The following SCAPER variants were observed in gnomAD, a reference collection of about 807,000 sequenced individuals.
The protein encoded by SCAPER is S-phase cyclin A associated protein in the ER.
SCAPER carries 98 observed loss-of-function variants against 182.2 expected under a neutral mutation model. The ratio of observed to expected loss-of-function variants is 0.54; its 90% CI spans 0.46 to 0.64. SCAPER has a LOEUF of 0.64. Ranked by LOEUF, SCAPER falls within the 30% of genes least tolerant of loss-of-function variation. The pLI, the probability that SCAPER is intolerant of heterozygous loss-of-function variation, is 0.00. For synonymous variants in SCAPER, 605 were observed against 564.6 expected (o/e 1.07, Z -1.01); for missense variants, 1,432 against 1,690.0 (o/e 0.85, Z 2.68).
At chr15:76,831,237 C>A (rs2068447794) in intron 5 of SCAPER, among the ~76,000 whole-genome samples, 1 of 152,122 alleles carries the variant, frequency 6.6e-6, no homozygotes, top group South Asian at 2.1e-4. Flanking sequence ...GCAGGGCTGT[C>A]TTGCCTGCAG....
chr15:76,603,645 T>C lies in SCAPER; in HGVS notation c.2711+18119A>G, dbSNP rs1384247690. On this transcript the variant is annotated intron_variant, in intron 22 of 31. Transcript: ENST00000563290. Reference sequence around the variant, plus strand: ...TGGTTGAACTAGTTTGCAGTCCCACTCACAGTGTAAAAGTGTTCCTATTTC... The same window carrying C: ...TGGTTGAACTAGTTTGCAGTCCCACCCACAGTGTAAAAGTGTTCCTATTTC... Among the ~76,000 whole-genome samples, 2 of 121,210 alleles carry C rather than the reference T, an allele frequency of 1.7e-5. 1 individual carries two copies. The highest frequency in any genetic ancestry group is 5.0e-5 in the African/African-American group (2 of 39,680). 79.5% of individuals were successfully genotyped at this position (121,210 alleles called of 152,430 possible).
At chr15:76,773,551 T>C (rs2063580188) in intron 9 of SCAPER, among the ~76,000 whole-genome samples, 1 of 151,970 alleles carries the variant, frequency 6.6e-6, no homozygotes, top group African/African-American at 2.4e-5. Context: ...AACAAATGTA[T>C]ACCAATTACT....
In SCAPER at chr15:76,580,197, T is replaced by G. The variant is rs2048165641; in HGVS notation, c.2712-5913A>C. ...ACCTACTAGATATTTACAGAACATT[T>G]CATCCAATGGCTGAAGAATACACAT... On this transcript the variant is annotated intron_variant, in intron 22 of 31. Coordinates refer to ENST00000563290, the MANE Select transcript of SCAPER (RefSeq NM_020843.4). 3.3e-5 allele frequency among the ~76,000 whole-genome samples: 5 copies of G among 152,146 alleles called. No individual in the cohort carries two copies. In the South Asian group the frequency reaches 1.0e-3, roughly 31 times the overall value.
chr15:76,482,815 T>C (rs1445838138), intron 24 of SCAPER, among the ~76,000 whole-genome samples: 12 of 152,100 alleles, frequency 7.9e-5, no homozygotes, highest in African/African-American at 2.7e-4. Flanking sequence ...CTCATTATTC[T>C]AGATGAGGGA....
At chr15:76,547,144 C>A (rs157771) in intron 23 of SCAPER, among the ~76,000 whole-genome samples, 1 of 152,122 alleles carries the variant, frequency 6.6e-6, no homozygotes, top group African/African-American at 2.4e-5. Context: ...AGTGGGTTTC[C>A]ATTTACACTC....
chr15:76,490,543 T>A (rs2052191598), intron 24 of SCAPER, among the ~76,000 whole-genome samples: 1 of 152,228 alleles, frequency 6.6e-6, no homozygotes, highest in Non-Finnish European at 1.5e-5. Flanking sequence ...TATTTTGAAC[T>A]TAACCCTTTC....
At chr15:76,723,027 T>C (rs1251383812) in intron 17 of SCAPER, among the ~76,000 whole-genome samples, 1 of 152,212 alleles carries the variant, frequency 6.6e-6, no homozygotes, top group Admixed American at 6.5e-5. Context: ...TGTTAGGGTG[T>C]CAATTTTAGA....
At chr15:76,689,118 G>C (rs1339067766) in intron 20 of SCAPER, among the ~76,000 whole-genome samples, 1 of 151,924 alleles carries the variant, frequency 6.6e-6, no homozygotes, top group East Asian at 1.9e-4. Context: ...AAAGTGCTGG[G>C]ATTACAGGCA....
At chr15:76,786,644 A>G (rs2064631163) in intron 8 of SCAPER, among the ~76,000 whole-genome samples, 1 of 152,180 alleles carries the variant, frequency 6.6e-6, no homozygotes, top group Non-Finnish European at 1.5e-5. Context: ...TGAACATTCT[A>G]GACAGTGCCA....
chr15:76,384,829 T>G (rs375447841), intron 27 of SCAPER, among the ~76,000 whole-genome samples: 2 of 152,338 alleles, frequency 1.3e-5, no homozygotes, highest in African/African-American at 4.8e-5. Context: ...AATTTGTCCA[T>G]GAACAGGCCA....
chr15:76,635,993 A>G (rs909848959), intron 21 of SCAPER, among the ~76,000 whole-genome samples: 3 of 152,182 alleles, frequency 2.0e-5, no homozygotes, highest in African/African-American at 4.8e-5. Flanking sequence ...TATATTCATA[A>G]GGGACATTGG....
chr15:76,699,932 A>G (rs536559971), intron 20 of SCAPER, among the ~76,000 whole-genome samples: 23 of 152,320 alleles, frequency 1.5e-4, no homozygotes. Flanking sequence ...ATGGTGGCAA[A>G]GTCCATGCAG....
At chr15:76,429,527 G>C (rs2046712489) in intron 26 of SCAPER, among the ~76,000 whole-genome samples, 1 of 152,122 alleles carries the variant, frequency 6.6e-6, no homozygotes, top group South Asian at 2.1e-4. Context: ...AAATTGTTGG[G>C]AACTGGAGCA....
At chr15:76,834,378 T>A (rs1325786812) in intron 5 of SCAPER, among the ~76,000 whole-genome samples, 1 of 152,168 alleles carries the variant, frequency 6.6e-6, no homozygotes, top group Non-Finnish European at 1.5e-5. Context: ...TAGCACTAAA[T>A]GCATACATCA....
intron 17 of SCAPER, among the ~76,000 whole-genome samples, chr15:76,719,958 T>C (rs2060113689): frequency 6.6e-6 from 1 of 152,078 alleles, no homozygotes; most frequent in Admixed American, 6.6e-5. Context: ...CTTTAAGTTT[T>C]AGGGTACATG....
At chr15:76,351,751 C>T (rs1253570236) in intron 30 of SCAPER, among the ~76,000 whole-genome samples, 1 of 152,108 alleles carries the variant, frequency 6.6e-6, no homozygotes, top group Non-Finnish European at 1.5e-5. Context: ...ATATCATTTT[C>T]TAGTAACTCA....
At chr15:76,556,566 T>A (rs775818427) in intron 23 of SCAPER, among the ~76,000 whole-genome samples, 1 of 152,074 alleles carries the variant, frequency 6.6e-6, no homozygotes, top group Admixed American at 6.6e-5. Context: ...CCCACAGATG[T>A]ACAAAAAACC....
In SCAPER at chr15:76,578,061, A is replaced by T. The variant is rs367627251; in HGVS notation, c.2712-3777T>A. On this transcript the variant is annotated intron_variant, in intron 22 of 31. Transcript: ENST00000563290. ...CCTTGAGTGAACACTGACAGTAGCC[A>T]GGCAGTACTCACCATAGGCCTGGGG... is the stretch of plus-strand genomic sequence containing the variant. Among the ~76,000 whole-genome samples the T allele has an allele frequency of 6.2e-4, 95 of 152,114 alleles. No individual in the cohort carries two copies. In the South Asian group the frequency reaches 0.019, roughly 31 times the overall value.
intron 8 of SCAPER, among the ~76,000 whole-genome samples, chr15:76,777,913 A>G (rs765332694): frequency 9.9e-5 from 15 of 152,170 alleles, no homozygotes; most frequent in Non-Finnish European, 2.1e-4. Context: ...GACTACCTTA[A>G]ATATGCTGAG....
Sources: allele counts gnomAD v4.1 joint callset (sites outside exome capture counted in the v4.1 genomes callset), GRCh38; gene constraint gnomAD v4.1.1; transcripts MANE v1.5; gene names NCBI Gene and HGNC (gene_info 2026-07-23, HGNC 2026-07-21).